The following PDIA3 variants were observed in gnomAD, a reference collection of about 807,000 sequenced individuals.
PDIA3 encodes protein disulfide-isomerase A3.
Under a neutral mutation model 56.9 loss-of-function variants are expected in PDIA3, and 16 were observed. That is an observed-to-expected ratio of 0.28 (90% CI 0.19 to 0.43). The LOEUF is 0.43. Among genes scored for constraint, PDIA3 ranks in the 20% least tolerant of loss-of-function variants. PDIA3 has a pLI of 1.00. For missense variants in PDIA3, 485 were observed against 621.3 expected (o/e 0.78, Z 2.33); for synonymous variants, 192 against 216.5 (o/e 0.89, Z 0.99).
intron 9 of PDIA3, among the ~76,000 whole-genome samples, chr15:43,769,011 C>T (rs909240494): frequency 8.1e-5 from 12 of 149,010 alleles, no homozygotes; most frequent in East Asian, 4.0e-4. Context: ...GCGACAAGAG[C>T]GAAACTCCAT....
chr15:43,759,418 G>GA (rs2086800376), intron 3 of PDIA3, among the ~76,000 whole-genome samples: 1 of 151,832 alleles, frequency 6.6e-6, no homozygotes, highest in Non-Finnish European at 1.5e-5. Context: ...ACTTTTAAGT[G>GA]AAACAACCTA....
At position 43,746,509 on chromosome 15, in the gene PDIA3, CT is replaced by C. The variant is rs1366014861; in HGVS notation, c.-29del. ...CCGCAGTCCCAGCCGAGCCGCGACCCTTCCGGCCGTCCCCACCCCACCTCGC... is the reference window on the plus strand; with the variant it reads ...CCGCAGTCCCAGCCGAGCCGCGACCCTCCGGCCGTCCCCACCCCACCTCGC... On this transcript the variant is annotated 5_prime_UTR_variant, in exon 1 of 13. Coordinates refer to ENST00000300289, the MANE Select transcript of PDIA3 (RefSeq NM_005313.5). 1 of 1,546,548 alleles carries C rather than the reference CT, an allele frequency of 6.5e-7. No homozygotes were observed. Among genetic ancestry groups the C allele is most frequent in the African/African-American group, 1.4e-5 (1 of 72,584 alleles).
intron 3 of PDIA3, among the ~76,000 whole-genome samples, chr15:43,758,485 C>T (rs1051349485): frequency 6.6e-6 from 1 of 151,326 alleles, no homozygotes; most frequent in African/African-American, 2.4e-5. Context: ...GTGGTGAAAC[C>T]GTCTCTCTAC....
At chr15:43,751,515 AAAG>A (rs1230698184) in intron 1 of PDIA3, 31 of 1,008,638 alleles carry the variant, frequency 3.1e-5, no homozygotes, top group Admixed American at 4.7e-5. Flanking sequence ...GGGGTGGGTG[AAAG>A]AAGTAGTGGT....
rs751990914 is a variant in PDIA3 at position 43,756,665 on chromosome 15, A to G, written c.263A>G (p.Asn88Ser). The change falls in exon 3 of 13, where the codon AAC becomes AGC. Residue 88 changes from asparagine (N) to serine (S), a missense_variant. Physicochemically the swap from Asn to Ser is conservative, Grantham distance 46 (BLOSUM62 1). Transcript: ENST00000300289. ...VPLAKVDCTA[N>S]TNTCNKYGVS... ...GATCTTTAGGTTGATTGCACTGCCA[A>G]CACTAACACCTGTAATAAATATGGA... 1.9e-6 allele frequency: 3 copies of G among 1,598,892 alleles called. No homozygotes were observed. The highest frequency in any genetic ancestry group is 1.7e-5 in the Admixed American group (1 of 59,978).
chr15:43,768,946 C>T (rs2086865213), intron 9 of PDIA3, among the ~76,000 whole-genome samples: 2 of 151,900 alleles, frequency 1.3e-5, no homozygotes, highest in South Asian at 4.2e-4. Flanking sequence ...ATCGCCTGAA[C>T]CCAGGAAGCA....
chr15:43,770,488 A>T, intron 11 of PDIA3, 35 bp from the exon 12 acceptor site: 1 of 1,544,042 alleles, frequency 6.5e-7, no homozygotes, highest in Admixed American at 1.7e-5. Context: ...GGGCCCACAT[A>T]ACTGCTTGAA....
At chr15:43,769,433 T>G in intron 9 of PDIA3, 85 bp from the exon 10 acceptor site, 1 of 1,273,412 alleles carries the variant, frequency 7.9e-7, no homozygotes, top group Non-Finnish European at 1.1e-6. Context: ...CACATCAAAT[T>G]AGAGAGGGAT....
At chr15:43,753,780 C>A in intron 1 of PDIA3, 44 bp from the exon 2 acceptor site, 1 of 1,318,860 alleles carries the variant, frequency 7.6e-7, no homozygotes, top group South Asian at 1.2e-5. Context: ...TTAACAAATT[C>A]ATAGGACTAA....
intron 1 of PDIA3, chr15:43,751,770 A>G: frequency 7.7e-7 from 1 of 1,292,968 alleles, no homozygotes; most frequent in Non-Finnish European, 1.0e-6. Context: ...TAAGCCATGC[A>G]TACTTTTGTT....
chr15:43,761,552 C>T (rs780050794), intron 4 of PDIA3, 21 bp downstream of exon 4: 18 of 1,214,164 alleles, frequency 1.5e-5, no homozygotes, highest in African/African-American at 1.4e-4. Context: ...AATATTAAAC[C>T]GTGCCACAGA....
At chr15:43,753,756 C>A in intron 1 of PDIA3, 68 bp from the exon 2 acceptor site, 1 of 1,109,700 alleles carries the variant, frequency 9.0e-7, no homozygotes, top group Non-Finnish European at 1.4e-6. Flanking sequence ...GAGATTCTTC[C>A]TAGTGAGACA....
Position 43,770,691 on chromosome 15 carries a change from G to T in PDIA3, c.1404+111G>T, listed in dbSNP as rs138128779. 117 of 778,640 alleles carry T rather than the reference G, an allele frequency of 1.5e-4. No homozygotes were observed. The East Asian group carries it at 3.1e-3, about 21-fold the overall frequency. The allele number at this position is 778,640 out of a possible 1,614,324, so 48.2% of individuals were successfully genotyped here. A position where few individuals can be genotyped will look rare whatever the true frequency, so the allele number is the denominator to read the frequency against. ...TATTTATTTAATTATTTTTTGAGAC[G>T]GAGTTTCGCTCTTGTTGCCTGGGCT... On this transcript the variant is annotated intron_variant, in intron 12 of 12. Coordinates refer to ENST00000300289, the MANE Select transcript of PDIA3 (RefSeq NM_005313.5).
intron 1 of PDIA3, 42 bp from the exon 2 acceptor site, chr15:43,753,782 T>C: frequency 7.6e-7 from 1 of 1,317,932 alleles, no homozygotes; most frequent in Non-Finnish European, 1.1e-6. Flanking sequence ...AACAAATTCA[T>C]AGGACTAAAC....
rs1596023448 is a variant in PDIA3 at position 43,763,568 on chromosome 15, A to G, written c.602+362A>G. On this transcript the variant is annotated intron_variant, in intron 5 of 12. Transcript: ENST00000300289. ...GCACCCAGCTGAATTGGTCATTTTT[A>G]TACCTAATTTTTCCCAAGGGTTTAT... Among the ~76,000 whole-genome samples the G allele has an allele frequency of 2.0e-5, 3 of 152,222 alleles. No individual in the cohort carries two copies. In the South Asian group the frequency reaches 6.2e-4, roughly 32 times the overall value.
chr15:43,764,364 G>A (rs2086835326), intron 5 of PDIA3, among the ~76,000 whole-genome samples: 2 of 152,152 alleles, frequency 1.3e-5, no homozygotes, highest in Admixed American at 1.3e-4. Flanking sequence ...TCTAAACTCG[G>A]TCAACAGCAT....
rs1340017356 is a variant in PDIA3 at position 43,772,907 on chromosome 15, G to T, written c.*1689G>T. ...TCTGTCACTTTTCCTAGACTCCTAG[G>T]CACAGCTATGGAGTCTTTGCACAGT... On this transcript the variant is annotated 3_prime_UTR_variant, in exon 13 of 13. Transcript: ENST00000300289. The T allele has an allele frequency of 4.8e-6, 2 of 415,182 alleles. No individual in the cohort carries two copies. The highest frequency in any genetic ancestry group is 8.4e-6 in the Non-Finnish European group (2 of 237,560). 25.7% of individuals were successfully genotyped at this position (415,182 alleles called of 1,614,324 possible).
intron 1 of PDIA3, chr15:43,751,517 A>G: frequency 9.8e-7 from 1 of 1,025,152 alleles, no homozygotes; most frequent in South Asian, 1.3e-5. Context: ...GGTGGGTGAA[A>G]GAAGTAGTGG....
intron 9 of PDIA3, 52 bp downstream of exon 9, chr15:43,768,649 C>A: frequency 1.7e-6 from 2 of 1,199,430 alleles, no homozygotes; most frequent in Non-Finnish European, 1.2e-6. Flanking sequence ...GTCCTCATTT[C>A]TTTGTTCCAA....
Sources: gnomAD v4.1 joint callset for allele counts (sites outside exome capture counted in the v4.1 genomes callset) on GRCh38, gnomAD v4.1.1 for gene constraint, MANE v1.5 for transcripts, NCBI Gene and HGNC (gene_info 2026-07-23, HGNC 2026-07-21) for gene names.